Variants in ERBB4 observed in about 807,000 individuals in gnomAD.
ERBB4 encodes erb-b2 receptor tyrosine kinase 4.
In ERBB4, 42 loss-of-function variants were observed where a neutral mutation model predicts 158.0. That is an observed-to-expected ratio of 0.27 (90% CI 0.21 to 0.34). ERBB4 has a LOEUF of 0.34. Among genes scored for constraint, ERBB4 ranks in the 10% least tolerant of loss-of-function variants. The pLI is 1.00. For missense variants in ERBB4, 1,333 were observed against 1,624.1 expected (o/e 0.82, Z 3.08); for synonymous variants, 583 against 558.7 (o/e 1.04, Z -0.61).
At chr2:211,432,303 A>AT (rs1351190481) in intron 20 of ERBB4, among the ~76,000 whole-genome samples, 4 of 152,242 alleles carry the variant, frequency 2.6e-5, no homozygotes, top group Non-Finnish European at 5.9e-5. Context: ...AGGTCAAAAA[A>AT]TTATGAACCG....
chr2:211,659,915 C>A (rs920274736), intron 15 of ERBB4, among the ~76,000 whole-genome samples: 2 of 152,006 alleles, frequency 1.3e-5, no homozygotes, highest in African/African-American at 4.8e-5. Context: ...ACACCTAGAG[C>A]CAACCTAGAA....
At chr2:212,172,011 A>C (rs925794158) in intron 1 of ERBB4, among the ~76,000 whole-genome samples, 8 of 152,190 alleles carry the variant, frequency 5.3e-5, no homozygotes, top group East Asian at 1.9e-4. Flanking sequence ...AAATTTTTGC[A>C]ATCTGTCCAT....
chr2:212,415,544 C>A (rs1395276996), intron 1 of ERBB4, among the ~76,000 whole-genome samples: 1 of 152,086 alleles, frequency 6.6e-6, no homozygotes, highest in East Asian at 1.9e-4. Flanking sequence ...GAACGTGACA[C>A]ATAAAGTTCT....
chr2:211,626,866 A>C (rs762297953), intron 17 of ERBB4, among the ~76,000 whole-genome samples: 47 of 152,116 alleles, frequency 3.1e-4, no homozygotes, highest in South Asian at 1.5e-3. Context: ...CGGAGCTTGC[A>C]GTGAGCCGAG....
chr2:211,710,464 G>A (rs1453959575), intron 9 of ERBB4, among the ~76,000 whole-genome samples: 1 of 152,020 alleles, frequency 6.6e-6, no homozygotes, highest in Non-Finnish European at 1.5e-5. Flanking sequence ...ATTGTCCCAG[G>A]TCTCCTATGC....
At chr2:211,473,410 C>T (rs1361736618) in intron 20 of ERBB4, among the ~76,000 whole-genome samples, 1 of 152,014 alleles carries the variant, frequency 6.6e-6, no homozygotes, top group African/African-American at 2.4e-5. Flanking sequence ...TTGCTTTAGG[C>T]CACCAGTTTG....
chr2:212,092,714 A>G (rs1430265896), intron 2 of ERBB4, among the ~76,000 whole-genome samples: 2 of 152,142 alleles, frequency 1.3e-5, no homozygotes, highest in East Asian at 3.9e-4. Flanking sequence ...AGTGGAAGTA[A>G]TTTTAGGATA....
intron 2 of ERBB4, among the ~76,000 whole-genome samples, chr2:211,976,472 TATC>T (rs2081608371): frequency 6.6e-6 from 1 of 152,304 alleles, no homozygotes; most frequent in South Asian, 2.1e-4. Context: ...AGTTGCATGA[TATC>T]ATAGAGTTCC....
intron 1 of ERBB4, among the ~76,000 whole-genome samples, chr2:212,278,731 A>G (rs181061676): frequency 1.3e-5 from 2 of 151,822 alleles, no homozygotes; most frequent in East Asian, 3.9e-4. Flanking sequence ...TGAAGGTAGA[A>G]AAGCAATCTT....
intron 3 of ERBB4, among the ~76,000 whole-genome samples, chr2:211,807,966 T>C (rs200435260): frequency 6.6e-6 from 1 of 152,224 alleles, no homozygotes; most frequent in East Asian, 1.9e-4. Flanking sequence ...CACTTTTTGA[T>C]GGGGTTGTTT....
At chr2:212,367,685 A>G (rs1240436117) in intron 1 of ERBB4, among the ~76,000 whole-genome samples, 1 of 152,120 alleles carries the variant, frequency 6.6e-6, no homozygotes, top group Non-Finnish European at 1.5e-5. Context: ...CATAATCTGT[A>G]TATCTGAAAA....
chr2:211,471,440 T>G (rs1344969222), intron 20 of ERBB4, among the ~76,000 whole-genome samples: 1 of 152,084 alleles, frequency 6.6e-6, no homozygotes, highest in African/African-American at 2.4e-5. Flanking sequence ...TAAATAGACA[T>G]AAAAGTGAAA....
chr2:211,635,015 G>A (rs2070306093), intron 16 of ERBB4, among the ~76,000 whole-genome samples: 1 of 152,132 alleles, frequency 6.6e-6, no homozygotes, highest in Non-Finnish European at 1.5e-5. Flanking sequence ...GCGATAAGAG[G>A]CTCAGTTGAC....
At chr2:211,603,957 T>C (rs933781099) in intron 19 of ERBB4, among the ~76,000 whole-genome samples, 7 of 152,254 alleles carry the variant, frequency 4.6e-5, no homozygotes, top group African/African-American at 1.7e-4. Context: ...AGTGGGCATA[T>C]TTAATTTACT....
At chr2:211,608,336 C>T (rs2069067553) in intron 19 of ERBB4, among the ~76,000 whole-genome samples, 1 of 152,102 alleles carries the variant, frequency 6.6e-6, no homozygotes, top group African/African-American at 2.4e-5. Context: ...GGCCCACCTG[C>T]CTCTCATTTA....
intron 3 of ERBB4, among the ~76,000 whole-genome samples, chr2:211,842,226 C>G (rs1439395032): frequency 6.7e-6 from 1 of 150,202 alleles, no homozygotes; most frequent in African/African-American, 2.4e-5. Context: ...ACATGTTGTA[C>G]ATATCACAAA....
At chr2:211,873,251 C>T (rs141049882) in intron 3 of ERBB4, among the ~76,000 whole-genome samples, 8,582 of 150,642 alleles carry the variant, frequency 0.057, 43 homozygotes, top group Non-Finnish European at 0.08. Flanking sequence ...AATACCTGAA[C>T]CTCCCATTGC....
chr2:212,418,022 C>A (rs906493571), intron 1 of ERBB4, among the ~76,000 whole-genome samples: 12 of 151,828 alleles, frequency 7.9e-5, no homozygotes, highest in African/African-American at 2.4e-4. Flanking sequence ...AAGGATACAA[C>A]AAAAAGGCAG....
rs112239677 is a variant in ERBB4, at chr2:211,475,090, T to A, written c.2488-43990A>T. On this transcript the variant is annotated intron_variant, in intron 20 of 27. Coordinates refer to ENST00000342788, the MANE Select transcript of ERBB4 (RefSeq NM_005235.3). Reference sequence around the variant, plus strand: ...TCCCATGTAATCCATAAGGATGTTTTCCACAGGCTCTTTTATTATTAATGT... The same window carrying A: ...TCCCATGTAATCCATAAGGATGTTTACCACAGGCTCTTTTATTATTAATGT... 5.9e-3 allele frequency among the ~76,000 whole-genome samples: 895 copies of A among 152,198 alleles called. 11 individuals carry two copies. The highest frequency in any genetic ancestry group is 0.02 in the African/African-American group (842 of 41,542).
Sources: allele counts gnomAD v4.1 joint callset (sites outside exome capture counted in the v4.1 genomes callset), GRCh38; gene constraint gnomAD v4.1.1; transcripts MANE v1.5; gene names NCBI Gene and HGNC (gene_info 2026-07-23, HGNC 2026-07-21).